The following ANKRD12 variants were observed in gnomAD, a reference collection of about 807,000 sequenced individuals.
The protein encoded by ANKRD12 is ankyrin repeat domain 12, also known as ankyrin repeat domain-containing protein 12.
ANKRD12 carries 85 observed loss-of-function variants against 183.4 expected under a neutral mutation model. The observed-to-expected ratio is 0.46, with a 90% CI of 0.39 to 0.56. ANKRD12 has a LOEUF of 0.56. ANKRD12 is among the 20% of genes least tolerant of loss of function. The probability of loss-of-function intolerance (pLI) is 0.00; values close to 1 mark genes in which losing one functional copy is unlikely to be tolerated. For missense variants in ANKRD12, 2,405 were observed against 2,357.1 expected, an observed-to-expected ratio of 1.02 and a Z score of -0.42; for synonymous variants, 914 against 800.2, an observed-to-expected ratio of 1.14 and a Z score of -2.40.
At chr18:9,250,576 G>A (rs1041683154) in intron 8 of ANKRD12, among the ~76,000 whole-genome samples, 13 of 152,048 alleles carry the variant, frequency 8.5e-5, no homozygotes, top group South Asian at 4.2e-4. Context: ...GAAACTAGTC[G>A]GGTATGGTGG....
At chr18:9,269,540 A>C (rs7506008) in intron 10 of ANKRD12, among the ~76,000 whole-genome samples, 80,924 of 152,006 alleles carry the variant, frequency 0.53, 23,655 homozygotes, top group South Asian at 0.75. Context: ...TATTTAATAA[A>C]TGGTGCTGGG....
Position 9,285,823 on chromosome 18 carries a change from T to C in ANKRD12, c.*4697T>C, listed in dbSNP as rs116104440. On this transcript the variant is annotated 3_prime_UTR_variant, in exon 13 of 13. Transcript: ENST00000262126. ...TCCTTGTCTGCCTTGTTTCTCAACA[T>C]GATGTTTTGAAATTCATCCATGTTG... 6.6e-6 allele frequency: 1 copy of C among 152,284 alleles called. No individual in the cohort carries two copies. The highest frequency in any genetic ancestry group is 2.4e-5 in the African/African-American group (1 of 41,568). The allele number at this position is 152,284 out of a possible 1,614,324, so 9.4% of individuals were successfully genotyped here. A position where few individuals can be genotyped will look rare whatever the true frequency, so the allele number is the denominator to read the frequency against.
chr18:9,156,378 A>G (rs993309498), intron 1 of ANKRD12, among the ~76,000 whole-genome samples: 1 of 152,178 alleles, frequency 6.6e-6, no homozygotes, highest in African/African-American at 2.4e-5. Flanking sequence ...AGAAAGCTGT[A>G]CAATAAAAAC....
intron 11 of ANKRD12, 97 bp downstream of exon 11, chr18:9,275,764 C>T: frequency 8.1e-7 from 1 of 1,232,824 alleles, no homozygotes; most frequent in South Asian, 2.0e-5. Flanking sequence ...TTGAACTCAA[C>T]AATCATTAAA....
At chr18:9,173,615 G>GA (rs2032958444) in intron 1 of ANKRD12, among the ~76,000 whole-genome samples, 1 of 130,378 alleles carries the variant, frequency 7.7e-6, no homozygotes. Flanking sequence ...CGGTGGGGTG[G>GA]TGGGGGGGGG....
intron 3 of ANKRD12, among the ~76,000 whole-genome samples, chr18:9,202,841 T>C (rs2035254854): frequency 6.6e-6 from 1 of 152,214 alleles, no homozygotes; most frequent in South Asian, 2.1e-4. Context: ...ACTATTCAGA[T>C]GCCCCCAATA....
chr18:9,262,631 T>A (rs953521446), intron 9 of ANKRD12, among the ~76,000 whole-genome samples: 1 of 151,718 alleles, frequency 6.6e-6, no homozygotes. Flanking sequence ...AGCTAATTTT[T>A]AAATTTTTTT....
chr18:9,139,755 G>C (rs2078253744), intron 1 of ANKRD12, among the ~76,000 whole-genome samples: 1 of 152,204 alleles, frequency 6.6e-6, no homozygotes, highest in South Asian at 2.1e-4. Context: ...TAAGATGCCT[G>C]TGCCTTGTAA....
At chr18:9,233,157 C>T (rs1040721618) in intron 8 of ANKRD12, among the ~76,000 whole-genome samples, 2 of 151,688 alleles carry the variant, frequency 1.3e-5, no homozygotes, top group Non-Finnish European at 2.9e-5. Context: ...TGGCCAAGAC[C>T]GATTTTCAAG....
intron 12 of ANKRD12, among the ~76,000 whole-genome samples, chr18:9,280,227 C>T (rs1183706126): frequency 6.6e-6 from 1 of 152,136 alleles, no homozygotes; most frequent in Non-Finnish European, 1.5e-5. Context: ...AAGGAGCATG[C>T]AACCTAGAAC....
chr18:9,230,336 T>C (rs2036969791), intron 8 of ANKRD12, among the ~76,000 whole-genome samples: 1 of 152,176 alleles, frequency 6.6e-6, no homozygotes, highest in Non-Finnish European at 1.5e-5. Context: ...TCCCCTTTTT[T>C]ATTTCTGATT....
rs1046483 is a variant in ANKRD12, at chr18:9,281,569, T to G, written c.*443T>G. On this transcript the variant is annotated 3_prime_UTR_variant, in exon 13 of 13. Transcript: ENST00000262126. ...GTGGGAGAAAAACTTGGCACAAAAT[T>G]TCTTCAGTTTATTATCTGTAAATTG... is the stretch of plus-strand genomic sequence containing the variant. 1 of 152,742 alleles carries G rather than the reference T, an allele frequency of 6.5e-6. No homozygotes were observed. Among genetic ancestry groups the G allele is most frequent in the South Asian group, 2.1e-4 (1 of 4,834 alleles). 9.5% of individuals were successfully genotyped at this position (152,742 alleles called of 1,614,324 possible).
Position 9,257,222 on chromosome 18 carries a change from C to T in ANKRD12, c.3955C>T (p.His1319Tyr), listed in dbSNP as rs1353742861. The change falls in exon 9 of 13, where the codon CAT becomes TAT. Residue 1319 changes from histidine to tyrosine, a missense_variant. This residue lies in a region of ANKRD12 where 1,983 missense variants were observed against 1,725.9 expected (regional missense o/e 1.15). Transcript: ENST00000262126. ...RCSMPSVICEHTKQFQTISEE... is the reference protein window; with the variant it reads ...RCSMPSVICEYTKQFQTISEE... ...TAGCATGCCTTCTGTCATTTGTGAA[C>T]ATACCAAACAATTCCAAACAATATC... is the stretch of plus-strand genomic sequence containing the variant. The T allele has an allele frequency of 1.2e-6, 2 of 1,614,028 alleles. No individual in the cohort carries two copies. Among genetic ancestry groups the T allele is most frequent in the African/African-American group, 2.7e-5 (2 of 74,926 alleles).
intron 9 of ANKRD12, 51 bp from the exon 10 acceptor site, chr18:9,263,739 T>G: frequency 7.5e-7 from 1 of 1,340,028 alleles, no homozygotes; most frequent in Non-Finnish European, 1.0e-6. Context: ...GAATAGCCCA[T>G]TATTGTAAAT....
rs148564506 is a variant in ANKRD12, at chr18:9,169,212, C to G, written c.-51-13170C>G. On this transcript the variant is annotated intron_variant, in intron 1 of 12. Transcript: ENST00000262126. ...TGCTGTTGATTTGGGGTGGAGAGTT[C>G]TGTAGATGTCTATGAGGTCCACTTG... Among the ~76,000 whole-genome samples the G allele has an allele frequency of 6.3e-3, 958 of 152,256 alleles. 10 individuals carry two copies. The highest frequency in any genetic ancestry group is 0.022 in the African/African-American group (899 of 41,538).
chr18:9,256,679 C>T lies in ANKRD12; in HGVS notation c.3412C>T (p.Leu1138Phe), dbSNP rs1258969930. ...HTPTESKNKE[L>F]TRSKSSEVTD... ...ACCAACTGAATCCAAAAATAAAGAA[C>T]TTACTAGGTCAAAGAGTTCAGAAGT... is the stretch of plus-strand genomic sequence containing the variant. The change falls in exon 9 of 13, where the codon CTT becomes TTT. Residue 1138 changes from leucine to phenylalanine, a missense_variant. Coordinates refer to ENST00000262126, the MANE Select transcript of ANKRD12 (RefSeq NM_015208.5). 1.2e-6 allele frequency: 2 copies of T among 1,605,766 alleles called. No individual in the cohort carries two copies. The highest frequency in any genetic ancestry group is 2.2e-5 in the East Asian group (1 of 44,860).
chr18:9,170,327 C>T (rs1034868688), intron 1 of ANKRD12, among the ~76,000 whole-genome samples: 5 of 152,062 alleles, frequency 3.3e-5, no homozygotes, highest in South Asian at 4.2e-4. Flanking sequence ...TGGTTCCATT[C>T]TCCCCGTCAC....
intron 8 of ANKRD12, among the ~76,000 whole-genome samples, chr18:9,227,664 G>T (rs188014573): frequency 2.6e-3 from 395 of 152,258 alleles, no homozygotes; most frequent in African/African-American, 8.7e-3. Context: ...AGTTTATTAT[G>T]ATGATTTTCC....
intron 10 of ANKRD12, among the ~76,000 whole-genome samples, chr18:9,266,178 T>C (rs1306960384): frequency 3.3e-5 from 5 of 152,200 alleles, no homozygotes; most frequent in Non-Finnish European, 5.9e-5. Context: ...TGGAACCAAG[T>C]TGGAAAACAC....
Sources: gnomAD v4.1 joint callset for allele counts (sites outside exome capture counted in the v4.1 genomes callset) on GRCh38, gnomAD v4.1.1 for gene constraint, gnomAD v4.1.1 regional missense constraint, MANE v1.5 for transcripts, NCBI Gene and HGNC (gene_info 2026-07-23, HGNC 2026-07-21) for gene names.